Variants in PRDM2 observed in about 807,000 individuals in gnomAD.
The protein encoded by PRDM2 is PR domain zinc finger protein 2.
In PRDM2, 30 loss-of-function variants were observed where a neutral mutation model predicts 130.0. The ratio of observed to expected loss-of-function variants is 0.23; its 90% confidence interval spans 0.17 to 0.31. The LOEUF (loss-of-function observed/expected upper bound fraction) is 0.31. Ranked by LOEUF, PRDM2 falls within the 10% of genes least tolerant of loss-of-function variation. The probability of loss-of-function intolerance (pLI) is 1.00; values close to 1 mark genes in which losing one functional copy is unlikely to be tolerated. For synonymous variants in PRDM2, 871 were observed against 782.4 expected (o/e 1.11, Z -1.89); for missense variants, 2,011 against 2,108.4 (o/e 0.95, Z 0.90).
Position 13,779,878 on chromosome 1 carries a change from C to A in PRDM2, c.2083C>A (p.Leu695Ile). The A allele has an allele frequency of 6.2e-7, 1 of 1,606,566 alleles. No homozygotes were observed. Among genetic ancestry groups the A allele is most frequent in the Non-Finnish European group, 8.5e-7 (1 of 1,178,650 alleles). The change falls in exon 8 of 10, where the codon CTT (leucine) becomes ATT (isoleucine). Residue 695 changes from leucine (L) to isoleucine (I), a missense_variant. By Grantham distance (5) the Leu-to-Ile change is conservative. Transcript: ENST00000311066. The surrounding 1 kb of genome is among the most constrained non-coding windows in gnomAD (Gnocchi z 4.9). ...TTTGTCATCAAAGCTCAAACAACTTCTTCAAACCCAAGATAAACTAACTCC... is the reference window on the plus strand; with the variant it reads ...TTTGTCATCAAAGCTCAAACAACTTATTCAAACCCAAGATAAACTAACTCC... Reference protein sequence around the residue: ...VYLSSKLKQLLQTQDKLTPAG... With the variant: ...VYLSSKLKQLIQTQDKLTPAG...
chr1:13,715,614 G>T lies in PRDM2; in HGVS notation c.9G>T (p.Gln3His). ...CACAACAGGAATTGAAAATGAATCA[G>T]GTGAGTTTAAAAATCAGAATTTATA... The part of the protein sequence containing the change: MN[Q>H]NTTEPVAATE... The change falls in exon 2 of 10, where the codon CAG becomes CAT. Residue 3 changes from glutamine to histidine, a missense_variant and splice_region_variant. Physicochemically the swap from Gln to His is conservative, Grantham distance 24. Around this residue, in one of 5 missense-constraint regions of PRDM2, gnomAD observed 79 missense variants for 93.6 expected, o/e 0.84. Transcript: ENST00000311066. The T allele has an allele frequency of 6.3e-7, 1 of 1,589,796 alleles. No individual in the cohort carries two copies. Among genetic ancestry groups the T allele is most frequent in the African/African-American group, 1.4e-5 (1 of 73,556 alleles).
intron 6 of PRDM2, chr1:13,768,903 TCTC>T (rs1367113733): frequency 6.5e-6 from 1 of 154,062 alleles, no homozygotes. Context: ...TTGGTCTTAT[TCTC>T]AGCAACTAAG....
chr1:13,782,913 C>CT (rs35153743), intron 8 of PRDM2, 82 bp downstream of exon 8: 50,737 of 1,397,936 alleles, frequency 0.036, no homozygotes, highest in Non-Finnish European at 0.041. Context: ...TTTCTTGTTG[C>CT]TTTTTTTTTT....
intron 4 of PRDM2, among the ~76,000 whole-genome samples, chr1:13,736,806 G>A (rs1351167094): frequency 6.6e-6 from 1 of 151,600 alleles, no homozygotes; most frequent in African/African-American, 2.4e-5. Context: ...ATCTATTTTT[G>A]TAGAGGAAAA....
At chr1:13,729,501 A>G (rs894591182) in intron 2 of PRDM2, among the ~76,000 whole-genome samples, 2 of 152,188 alleles carry the variant, frequency 1.3e-5, no homozygotes, top group Non-Finnish European at 2.9e-5. Context: ...CCAGTGTAAT[A>G]CCTTTTCCCT....
At chr1:13,795,708 C>T (rs766945158) in intron 8 of PRDM2, among the ~76,000 whole-genome samples, 24 of 152,310 alleles carry the variant, frequency 1.6e-4, no homozygotes, top group South Asian at 6.2e-4. Flanking sequence ...TCTGAGGTTT[C>T]GGCCAGGCCT....
At chr1:13,736,307 T>C (rs1346699557) in intron 4 of PRDM2, among the ~76,000 whole-genome samples, 1 of 151,978 alleles carries the variant, frequency 6.6e-6, no homozygotes, top group African/African-American at 2.4e-5. Context: ...AGAGATGGGG[T>C]TTCACCATGT....
intron 2 of PRDM2, among the ~76,000 whole-genome samples, chr1:13,716,461 TAAAAA>T (rs1025204680): frequency 1.3e-5 from 2 of 151,068 alleles, no homozygotes; most frequent in African/African-American, 2.4e-5. Flanking sequence ...AATAAAAAAA[TAAAAA>T]AAAGAGAGGA....
chr1:13,757,778 CTTTTTT>C (rs34501705), intron 6 of PRDM2, among the ~76,000 whole-genome samples: 3 of 105,906 alleles, frequency 2.8e-5, no homozygotes, highest in African/African-American at 7.4e-5. Context: ...AGGTGGATAG[CTTTTTT>C]TTTTTTTTTT....
intron 5 of PRDM2, among the ~76,000 whole-genome samples, chr1:13,744,944 C>T (rs1643559311): frequency 6.6e-6 from 1 of 152,122 alleles, no homozygotes; most frequent in Non-Finnish European, 1.5e-5. Context: ...TATTATTATA[C>T]CCAGATAATT....
At chr1:13,735,909 T>C (rs991192440) in intron 4 of PRDM2, among the ~76,000 whole-genome samples, 1 of 152,198 alleles carries the variant, frequency 6.6e-6, no homozygotes, top group African/African-American at 2.4e-5. Flanking sequence ...TGTGAACATC[T>C]TCCTGAACAT....
intron 8 of PRDM2, among the ~76,000 whole-genome samples, chr1:13,814,527 G>C (rs1645226656): frequency 6.6e-6 from 1 of 152,170 alleles, no homozygotes; most frequent in Non-Finnish European, 1.5e-5. Context: ...TGCCAACATT[G>C]ACACTGTCAG....
intron 8 of PRDM2, chr1:13,786,629 C>CA: frequency 6.3e-7 from 1 of 1,578,474 alleles, no homozygotes. Flanking sequence ...ACCAAGCTTG[C>CA]AAGACCAGTT....
In PRDM2 at chr1:13,781,049, T is replaced by C. The variant is rs144904235; in HGVS notation, c.3254T>C (p.Val1085Ala). The change falls in exon 8 of 10, where the codon GTT becomes GCT. Residue 1085 changes from valine (V) to alanine (A), a missense_variant. Val to Ala is a moderately conservative substitution (Grantham distance 64, BLOSUM62 0). Around this residue, in one of 5 missense-constraint regions of PRDM2, gnomAD observed 1,288 missense variants for 1,237.7 expected, o/e 1.04. Transcript: ENST00000311066. The surrounding 1 kb of genome is among the most constrained non-coding windows in gnomAD (Gnocchi z 6.1). ...PPPLSAISSV[V>A]SSGDNLEASL... is the part of the protein sequence containing the mutation. ...CCTCTCTCCGCAATATCATCTGTTG[T>C]TTCCTCTGGTGATAATCTGGAGGCT... The C allele has an allele frequency of 2.2e-4, 361 of 1,611,896 alleles. No homozygotes were observed. Among genetic ancestry groups the C allele is most frequent in the Admixed American group, 3.3e-4 (20 of 59,990 alleles).
At chr1:13,804,272 C>A (rs1307370352) in intron 8 of PRDM2, among the ~76,000 whole-genome samples, 1 of 152,178 alleles carries the variant, frequency 6.6e-6, no homozygotes, top group Non-Finnish European at 1.5e-5. Context: ...GGCACCGCAG[C>A]GACTCCTTGG....
At chr1:13,809,991 C>T (rs574298220) in intron 8 of PRDM2, among the ~76,000 whole-genome samples, 3 of 152,186 alleles carry the variant, frequency 2.0e-5, no homozygotes, top group African/African-American at 2.4e-5. Context: ...TTCGAGCACA[C>T]GCATCTTCTT....
chr1:13,701,094 A>AC (rs1307656155), intron 1 of PRDM2, among the ~76,000 whole-genome samples: 1 of 152,068 alleles, frequency 6.6e-6, no homozygotes, highest in Admixed American at 6.5e-5. Context: ...TGCGGCAAAG[A>AC]CCCCATAGTT....
At chr1:13,792,373 C>T (rs1294091720) in intron 8 of PRDM2, among the ~76,000 whole-genome samples, 1 of 152,166 alleles carries the variant, frequency 6.6e-6, no homozygotes, top group East Asian at 1.9e-4. Flanking sequence ...TTTCAGTGTA[C>T]AGCAGTTGAA....
At chr1:13,764,328 C>T (rs1455663125) in intron 6 of PRDM2, among the ~76,000 whole-genome samples, 1 of 152,072 alleles carries the variant, frequency 6.6e-6, no homozygotes, top group Non-Finnish European at 1.5e-5. Flanking sequence ...ATTTTAGGTA[C>T]ATTTTTCAGG....
Sources: allele counts gnomAD v4.1 joint callset (sites outside exome capture counted in the v4.1 genomes callset), GRCh38; gene constraint gnomAD v4.1.1; regional missense constraint gnomAD v4.1.1; non-coding constraint Gnocchi (gnomAD v3.1); transcripts MANE v1.5; gene names NCBI Gene and HGNC (gene_info 2026-07-23, HGNC 2026-07-21).